WDR36: variants seen among roughly 807,000 people sequenced by gnomAD.
WDR36 encodes the protein WD repeat-containing protein 36.
WDR36 carries 63 observed loss-of-function variants against 112.7 expected under a neutral mutation model. The observed-to-expected ratio is 0.56, with a 90% CI of 0.46 to 0.69. The LOEUF (loss-of-function observed/expected upper bound fraction) is 0.69, where lower values mean the gene tolerates loss of function less well. WDR36 is among the 30% of genes least tolerant of loss of function. The pLI is 0.00. For synonymous variants in WDR36, 410 were observed against 362.2 expected, an observed-to-expected ratio of 1.13 and a Z score of -1.50; for missense variants, 1,226 against 1,070.3, an observed-to-expected ratio of 1.15 and a Z score of -2.03.
intron 1 of WDR36, among the ~76,000 whole-genome samples, chr5:111,094,617 T>G (rs1205287665): frequency 6.6e-6 from 1 of 152,222 alleles, no homozygotes. Context: ...GCTGTTTTCA[T>G]GCTACGGTGG....
chr5:111,114,146 A>G (rs374792675), intron 16 of WDR36, among the ~76,000 whole-genome samples: 1 of 152,206 alleles, frequency 6.6e-6, no homozygotes, highest in Non-Finnish European at 1.5e-5. Flanking sequence ...GAGGAGACAT[A>G]CAGAATGTGT....
chr5:111,101,743 CATTA>C (rs1030531458), intron 5 of WDR36, among the ~76,000 whole-genome samples: 2 of 151,786 alleles, frequency 1.3e-5, no homozygotes, highest in African/African-American at 4.8e-5. Flanking sequence ...ATCAGTGTTT[CATTA>C]CAATTTAACA....
At chr5:111,102,068 G>A (rs971289834) in intron 5 of WDR36, among the ~76,000 whole-genome samples, 2 of 151,364 alleles carry the variant, frequency 1.3e-5, no homozygotes, top group South Asian at 2.1e-4. Context: ...ACTGTAGCCT[G>A]TAATATAACA....
At position 111,121,054 on chromosome 5, in the gene WDR36, G is replaced by T; in HGVS notation, c.2061G>T (p.Ser687=). The T allele has an allele frequency of 6.2e-7, 1 of 1,613,490 alleles. No homozygotes were observed. ...EPSDELIEYD[S]PEQLNEQLVT... Reference sequence around the variant, plus strand: ...GTGATGAATTGATAGAATATGATTCGCCAGAACAGTTGAATGAGCAATTGG... The same window carrying T: ...GTGATGAATTGATAGAATATGATTCTCCAGAACAGTTGAATGAGCAATTGG... The change falls in exon 19 of 23, where the codon TCG becomes TCT. Residue 687 remains serine, a synonymous_variant. Coordinates refer to ENST00000513710, the MANE Select transcript of WDR36 (RefSeq NM_139281.3).
intron 7 of WDR36, 37 bp from the exon 8 acceptor site, chr5:111,104,140 G>A: frequency 1.3e-6 from 2 of 1,567,406 alleles, no homozygotes; most frequent in African/African-American, 1.4e-5. Context: ...GGGGGATCTA[G>A]AAGTATTTTT....
chr5:111,126,525 T>G (rs1025724554), intron 22 of WDR36, among the ~76,000 whole-genome samples: 1 of 152,094 alleles, frequency 6.6e-6, no homozygotes, highest in African/African-American at 2.4e-5. Flanking sequence ...CCACTTTAAT[T>G]CTACCAAGGA....
chr5:111,110,943 C>G lies in WDR36; in HGVS notation c.1597C>G (p.His533Asp). 6.2e-7 allele frequency: 1 copy of G among 1,611,020 alleles called. No homozygotes were observed. Among genetic ancestry groups the G allele is most frequent in the Non-Finnish European group, 8.5e-7 (1 of 1,178,258 alleles). Residue 533 changes from histidine (H) to aspartate (D), a missense_variant, in exon 14 of 23, where the codon CAT becomes GAT. His to Asp is a moderately conservative substitution (Grantham distance 81). Transcript: ENST00000513710. ...TTCATCTCCAAATATCATGTTGCTA[C>G]ATAGGGACAGGTAAACTTTTAATGA... ...LSSSPNIMLLHRDSGILGLAL... is the reference protein window; with the variant it reads ...LSSSPNIMLLDRDSGILGLAL...
intron 11 of WDR36, 102 bp downstream of exon 11, chr5:111,106,245 T>C: frequency 1.8e-6 from 2 of 1,091,826 alleles, no homozygotes; most frequent in Non-Finnish European, 1.4e-6. Flanking sequence ...TTACAAATAT[T>C]AATAAGCATT....
rs1236510652 is a variant in WDR36 at position 111,123,939 on chromosome 5, A to T, written c.2268+15A>T. On this transcript the variant is annotated intron_variant, in intron 20 of 22. Transcript: ENST00000513710. ...ATCCCCAGCAGGTAAAAAACAAATT[A>T]GAAGATTCTAAGTATATCGGTGTAT... The T allele has an allele frequency of 6.2e-7, 1 of 1,613,298 alleles. No homozygotes were observed. The highest frequency in any genetic ancestry group is 1.3e-5 in the African/African-American group (1 of 75,022).
In WDR36 at chr5:111,100,600, C is replaced by G. The variant is rs760908720; in HGVS notation, c.421C>G (p.Gln141Glu). 6.4e-7 allele frequency: 1 copy of G among 1,570,412 alleles called. No homozygotes were observed. Among genetic ancestry groups the G allele is most frequent in the South Asian group, 1.2e-5 (1 of 85,402 alleles). The change falls in exon 5 of 23, where the codon CAG becomes GAG. Residue 141 changes from glutamine (Q) to glutamate (E), a missense_variant. Gln to Glu is a conservative substitution (Grantham distance 29, BLOSUM62 2). Coordinates refer to ENST00000513710, the MANE Select transcript of WDR36 (RefSeq NM_139281.3). ...WHIYSEEEYL[Q>E]LTFDKSVFKI... ...TTTCACTTTTGTAGAAGAATACCTG[C>G]AGTTGACTTTTGATAAATCAGTATT...
In WDR36 at chr5:111,129,521, T is replaced by C. The variant is rs886059783; in HGVS notation, c.*2638T>C. 1 of 197,166 alleles carries C rather than the reference T, an allele frequency of 5.1e-6. No homozygotes were observed. Among genetic ancestry groups the C allele is most frequent in the African/African-American group, 2.3e-5 (1 of 43,372 alleles). 12.2% of individuals were successfully genotyped at this position (197,166 alleles called of 1,614,324 possible). A position where few individuals can be genotyped will look rare whatever the true frequency, so the allele number is the denominator to read the frequency against. On this transcript the variant is annotated 3_prime_UTR_variant, in exon 23 of 23. Transcript: ENST00000513710. Reference sequence around the variant, plus strand: ...TGTTTATTTTAGAACATATAAACATTTGTTAATTTTCTTTTTCCTCTCATT... The same window carrying C: ...TGTTTATTTTAGAACATATAAACATCTGTTAATTTTCTTTTTCCTCTCATT...
intron 8 of WDR36, 74 bp downstream of exon 8, chr5:111,104,426 G>A: frequency 6.3e-7 from 1 of 1,584,932 alleles, no homozygotes; most frequent in South Asian, 1.1e-5. Flanking sequence ...TTGTTTTAAT[G>A]TATCAGCTTT....
intron 5 of WDR36, among the ~76,000 whole-genome samples, chr5:111,101,446 T>A (rs1399275873): frequency 6.6e-6 from 1 of 151,864 alleles, no homozygotes; most frequent in Non-Finnish European, 1.5e-5. Flanking sequence ...AATCAATAAT[T>A]TAGTGCTAGC....
At chr5:111,106,659 G>A (rs1434369554) in intron 11 of WDR36, among the ~76,000 whole-genome samples, 2 of 151,424 alleles carry the variant, frequency 1.3e-5, no homozygotes, top group African/African-American at 4.8e-5. Flanking sequence ...CCACCTTTCT[G>A]TTTTCTCAGA....
rs540769482 is a variant in WDR36, at chr5:111,094,525, GA to G, written c.163-391del. On this transcript the variant is annotated intron_variant, in intron 1 of 22. Coordinates refer to ENST00000513710, the MANE Select transcript of WDR36 (RefSeq NM_139281.3). ...TAGGGAGAAGGATATTTCATGACATGAAAACTATGTGAAAATCAAATTTCAG... is the reference window on the plus strand; with the variant it reads ...TAGGGAGAAGGATATTTCATGACATGAAACTATGTGAAAATCAAATTTCAG... 5.4e-4 allele frequency among the ~76,000 whole-genome samples: 82 copies of G among 152,252 alleles called. 1 individual carries two copies. Among genetic ancestry groups the G allele is most frequent in the African/African-American group, 1.8e-3 (74 of 41,530 alleles).
At chr5:111,102,429 A>G in intron 6 of WDR36, 30 bp downstream of exon 6, 1 of 1,597,236 alleles carries the variant, frequency 6.3e-7, no homozygotes, top group Non-Finnish European at 8.6e-7. Context: ...GTCAAAGAGG[A>G]ACAAAGTTAA....
At position 111,119,044 on chromosome 5, in the gene WDR36, C is replaced by G; in HGVS notation, c.1828C>G (p.Pro610Ala). ...AGACTGCTTTTTGTTGGACTCGGCT[C>G]CTCTCAATGTTTCTATGTCTCCTAC... ...LIDCFLLDSAPLNVSMSPTGD... is the reference protein window; with the variant it reads ...LIDCFLLDSAALNVSMSPTGD... The change falls in exon 17 of 23, where the codon CCT (proline) becomes GCT (alanine). Residue 610 changes from proline (P) to alanine (A), a missense_variant. Physicochemically the swap from Pro to Ala is conservative, Grantham distance 27 (BLOSUM62 -1). Transcript: ENST00000513710. 6.2e-7 allele frequency: 1 copy of G among 1,613,566 alleles called. No homozygotes were observed. The highest frequency in any genetic ancestry group is 8.5e-7 in the Non-Finnish European group (1 of 1,179,620).
At chr5:111,126,583 G>T (rs1405477363) in intron 22 of WDR36, 151 bp from the exon 23 acceptor site, 3 of 837,870 alleles carry the variant, frequency 3.6e-6, no homozygotes, top group Admixed American at 5.5e-5. Context: ...TTTGATAGAG[G>T]AGGGGAAAAT....
chr5:111,098,958 A>G (rs1753053514), intron 4 of WDR36, 119 bp downstream of exon 4: 2 of 745,698 alleles, frequency 2.7e-6, no homozygotes, highest in Non-Finnish European at 4.6e-6. Flanking sequence ...AAATTAAAAA[A>G]ATCAAAAATC....
Sources: allele counts gnomAD v4.1 joint callset (sites outside exome capture counted in the v4.1 genomes callset), GRCh38; gene constraint gnomAD v4.1.1; transcripts MANE v1.5; gene names NCBI Gene and HGNC (gene_info 2026-07-23, HGNC 2026-07-21).